NMBR: variants seen among roughly 807,000 people sequenced by gnomAD.
NMBR encodes neuromedin B receptor, also known as neuromedin-B receptor.
Under a neutral mutation model 20.5 loss-of-function variants are expected in NMBR, and 16 were observed. The observed-to-expected ratio is 0.78, with a 90% CI of 0.53 to 1.19. The LOEUF is 1.19. Ranked by LOEUF, NMBR falls within the 50% of genes most tolerant of loss-of-function variation. NMBR has a pLI of 0.00. For synonymous variants in NMBR, 212 were observed against 196.6 expected (o/e 1.08, Z -0.65); for missense variants, 582 against 499.1 (o/e 1.17, Z -1.58).
chr6:142,141,046 T>G (rs1254900621), intron 1 of NMBR, among the ~76,000 whole-genome samples: 1 of 152,180 alleles, frequency 6.6e-6, no homozygotes, highest in Non-Finnish European at 1.5e-5. Flanking sequence ...AAAAAGGATA[T>G]AGAGGATTAT....
At chr6:142,079,126 G>GAAAGAAAGA (rs11451074) in intron 2 of NMBR, among the ~76,000 whole-genome samples, 4,246 of 103,118 alleles carry the variant, frequency 0.041, 267 homozygotes, top group East Asian at 0.2. Flanking sequence ...AAGAAAGAAA[G>GAAAGAAAGA]AAGAAAGAAA....
chr6:142,086,327 C>G (rs1311759696), intron 2 of NMBR, among the ~76,000 whole-genome samples: 1 of 152,172 alleles, frequency 6.6e-6, no homozygotes, highest in Non-Finnish European at 1.5e-5. Context: ...AAAGTTAGCA[C>G]TGTGCTAAGC....
At chr6:142,122,376 T>C (rs756222065) in intron 1 of NMBR, among the ~76,000 whole-genome samples, 3 of 151,926 alleles carry the variant, frequency 2.0e-5, no homozygotes, top group Admixed American at 6.6e-5. Context: ...TACCTTGTAA[T>C]GCAAGATGGT....
chr6:142,098,367 G>C lies in NMBR; in HGVS notation c.-663-9046C>G, dbSNP rs144245980. Among the ~76,000 whole-genome samples the C allele has an allele frequency of 2.5e-4, 38 of 152,214 alleles. No individual in the cohort carries two copies. The East Asian group carries it at 6.6e-3, about 26-fold the overall frequency. On this transcript the variant is annotated intron_variant, in intron 1 of 3. Coordinates refer to ENST00000258042, the MANE Select transcript of NMBR (RefSeq NM_002511.4). ...CAAGAAAAAGACATAGGGTGATATT[G>C]ATTGTGAAGGAAGAAATAAAACTGT... is the stretch of plus-strand genomic sequence containing the variant.
intron 1 of NMBR, among the ~76,000 whole-genome samples, chr6:142,137,089 T>C (rs966355764): frequency 5.3e-5 from 8 of 152,186 alleles, no homozygotes; most frequent in African/African-American, 1.9e-4. Flanking sequence ...CCTTGGGCAG[T>C]ATGGCCATTT....
chr6:142,078,648 A>T lies in NMBR; in HGVS notation c.678T>A (p.Ala226=). ...IFLVYFLIPL[A]IISIYYYHIA... The stretch of plus-strand genomic sequence containing the variant: ...TATGATAATAATAAATGCTAATAAT[A>T]GCAAGTGGTATGAGGAAATAGACCA... Residue 226 remains alanine (A), a synonymous_variant, in exon 3 of 4, where the codon GCT becomes GCA. Coordinates refer to ENST00000258042, the MANE Select transcript of NMBR (RefSeq NM_002511.4). 6.2e-7 allele frequency: 1 copy of T among 1,612,982 alleles called. No individual in the cohort carries two copies. Among genetic ancestry groups the T allele is most frequent in the Non-Finnish European group, 8.5e-7 (1 of 1,179,024 alleles).
chr6:142,144,601 G>A (rs1024776088), intron 1 of NMBR, among the ~76,000 whole-genome samples: 1 of 152,150 alleles, frequency 6.6e-6, no homozygotes, highest in Non-Finnish European at 1.5e-5. Context: ...GAAGAAGAAT[G>A]TAGGTCTTTC....
At chr6:142,096,944 A>T (rs1294004122) in intron 1 of NMBR, among the ~76,000 whole-genome samples, 13 of 151,518 alleles carry the variant, frequency 8.6e-5, no homozygotes, top group Admixed American at 2.0e-4. Flanking sequence ...CTTTGTCTCT[A>T]TTGATCTTTG....
At position 142,078,788 on chromosome 6, in the gene NMBR, C is replaced by A. The variant is rs56262331; in HGVS notation, c.538G>T (p.Val180Leu). The A allele has an allele frequency of 3.1e-6, 5 of 1,613,934 alleles. No individual in the cohort carries two copies. Among genetic ancestry groups the A allele is most frequent in the Non-Finnish European group, 4.2e-6 (5 of 1,179,994 alleles). The change falls in exon 3 of 4, where the codon GTG becomes TTG. Residue 180 changes from valine (V) to leucine (L), a missense_variant. Physicochemically the swap from Val to Leu is conservative, Grantham distance 32. Coordinates refer to ENST00000258042, the MANE Select transcript of NMBR (RefSeq NM_002511.4). ...VSVLLAVPEA[V>L]FSEVARISSL... Reference sequence around the variant, plus strand: ...CTGATGCGAGCCACTTCTGAAAACACCGCTTCGGGAACTGCCAGCAACACG... The same window carrying A: ...CTGATGCGAGCCACTTCTGAAAACAACGCTTCGGGAACTGCCAGCAACACG...
intron 1 of NMBR, among the ~76,000 whole-genome samples, chr6:142,101,175 T>C (rs1777554399): frequency 6.6e-6 from 1 of 152,220 alleles, no homozygotes; most frequent in Non-Finnish European, 1.5e-5. Flanking sequence ...TATTTGAACA[T>C]GGTTTGAATA....
intron 1 of NMBR, among the ~76,000 whole-genome samples, chr6:142,144,612 T>C (rs969263731): frequency 6.6e-6 from 1 of 152,194 alleles, no homozygotes; most frequent in African/African-American, 2.4e-5. Flanking sequence ...TAGGTCTTTC[T>C]AGTAAAATAT....
At chr6:142,114,137 T>C (rs1258877769) in intron 1 of NMBR, among the ~76,000 whole-genome samples, 1 of 152,086 alleles carries the variant, frequency 6.6e-6, no homozygotes, top group East Asian at 1.9e-4. Context: ...TGATATGAAT[T>C]TGGCCCACTG....
At chr6:142,125,512 C>CACATATACATGTACAAGCAT (rs1211570455) in intron 1 of NMBR, among the ~76,000 whole-genome samples, 1 of 76,876 alleles carries the variant, frequency 1.3e-5, no homozygotes, top group Admixed American at 1.1e-4. Context: ...CATATACATA[C>CACATATACATGTACAAGCAT]ATACACAATT....
At chr6:142,136,233 T>C (rs1195378739) in intron 1 of NMBR, among the ~76,000 whole-genome samples, 4 of 152,254 alleles carry the variant, frequency 2.6e-5, no homozygotes, top group Non-Finnish European at 5.9e-5. Context: ...GATTTGCATT[T>C]CTCTGATGGC....
At chr6:142,131,770 T>G (rs1778147249) in intron 1 of NMBR, among the ~76,000 whole-genome samples, 1 of 151,810 alleles carries the variant, frequency 6.6e-6, no homozygotes, top group South Asian at 2.1e-4. Context: ...CACTCCCTTC[T>G]TCTACACATG....
At chr6:142,102,572 T>A (rs1777585093) in intron 1 of NMBR, among the ~76,000 whole-genome samples, 2 of 152,136 alleles carry the variant, frequency 1.3e-5, no homozygotes, top group Admixed American at 1.3e-4. Flanking sequence ...GTAGTATAAC[T>A]TTCACAAGAG....
intron 1 of NMBR, among the ~76,000 whole-genome samples, chr6:142,132,158 C>A (rs1448908482): frequency 6.6e-6 from 1 of 152,194 alleles, no homozygotes; most frequent in African/African-American, 2.4e-5. Context: ...GTCACTTCTC[C>A]ACTTGCTGGA....
At chr6:142,130,112 C>A (rs1438139723) in intron 1 of NMBR, among the ~76,000 whole-genome samples, 1 of 152,158 alleles carries the variant, frequency 6.6e-6, no homozygotes, top group Non-Finnish European at 1.5e-5. Flanking sequence ...CCAGGCTCTG[C>A]AGCACCATCC....
At chr6:142,117,971 G>A (rs1447835437) in intron 1 of NMBR, among the ~76,000 whole-genome samples, 1 of 151,822 alleles carries the variant, frequency 6.6e-6, no homozygotes, top group Non-Finnish European at 1.5e-5. Context: ...CACTGACAAA[G>A]GTGTAGTATT....
Sources: allele counts gnomAD v4.1 joint callset (sites outside exome capture counted in the v4.1 genomes callset), GRCh38; gene constraint gnomAD v4.1.1; transcripts MANE v1.5; gene names NCBI Gene and HGNC (gene_info 2026-07-23, HGNC 2026-07-21).